POLL: variants seen among roughly 807,000 people sequenced by gnomAD.
POLL encodes DNA polymerase beta-2.
In POLL, 44 loss-of-function variants were observed where a neutral mutation model predicts 58.1. The ratio of observed to expected loss-of-function variants is 0.76; its 90% CI spans 0.60 to 0.97. The LOEUF is 0.97. POLL is among the 50% of genes least tolerant of loss of function. The probability of loss-of-function intolerance (pLI) is 0.00; values close to 1 mark genes in which losing one functional copy is unlikely to be tolerated. For missense variants in POLL, 632 were observed against 736.8 expected (o/e 0.86, Z 1.65); for synonymous variants, 290 against 283.2 (o/e 1.02, Z -0.24).
Position 101,579,222 on chromosome 10 carries a change from G to A in POLL, c.*231C>T. On this transcript the variant is annotated 3_prime_UTR_variant, in exon 9 of 9. Coordinates refer to ENST00000370162, the MANE Select transcript of POLL (RefSeq NM_001174084.2). The surrounding 1 kb of genome is among the most constrained non-coding windows in gnomAD (Gnocchi z 4.4). ...TTCGAGGGGCAGTGGTGAGGTAGAA[G>A]GGGTGGCAGCCTGCTCCTGTCTGGG... is the stretch of plus-strand genomic sequence containing the variant. The A allele has an allele frequency of 1.8e-6, 1 of 562,084 alleles. No homozygotes were observed. The highest frequency in any genetic ancestry group is 3.1e-6 in the Non-Finnish European group (1 of 319,142). The allele number at this position is 562,084 out of a possible 1,614,324, so 34.8% of individuals were successfully genotyped here.
At chr10:101,581,262 C>T (rs1047259237) in intron 7 of POLL, 1 of 152,262 alleles carries the variant, frequency 6.6e-6, no homozygotes, top group African/African-American at 2.4e-5. Context: ...GGAGGAGGTC[C>T]ACGTGAGTAA....
intron 2 of POLL, 194 bp downstream of exon 2, chr10:101,587,052 G>C: frequency 8.6e-7 from 1 of 1,162,636 alleles, no homozygotes; most frequent in Non-Finnish European, 1.3e-6. Flanking sequence ...GGGTAGAAAA[G>C]AAGGTAACAC....
In POLL at chr10:101,587,960, G is replaced by A. The variant is rs977339504; in HGVS notation, c.-185C>T. 3.5e-5 allele frequency: 45 copies of A among 1,270,262 alleles called. No homozygotes were observed. Among genetic ancestry groups the A allele is most frequent in the Non-Finnish European group, 4.5e-5 (44 of 980,488 alleles). 78.7% of individuals were successfully genotyped at this position (1,270,262 alleles called of 1,614,324 possible). On this transcript the variant is annotated 5_prime_UTR_variant, in exon 1 of 9. Coordinates refer to ENST00000370162, the MANE Select transcript of POLL (RefSeq NM_001174084.2). ...GGGGAGATGGGGCACGGCCGCAGCA[G>A]GTGTGGGGAGCCCTCCGGGAATGGA...
In POLL at chr10:101,584,595, T is replaced by C; in HGVS notation, c.891+7A>G. 6.5e-7 allele frequency: 1 copy of C among 1,538,856 alleles called. No individual in the cohort carries two copies. Among genetic ancestry groups the C allele is most frequent in the Non-Finnish European group, 8.8e-7 (1 of 1,141,316 alleles). On this transcript the variant is annotated splice_region_variant and intron_variant, in intron 5 of 8. Coordinates refer to ENST00000370162, the MANE Select transcript of POLL (RefSeq NM_001174084.2). ...AGACCCCTCCTCCCACTCTAGCCCC[T>C]GGGTACCTGGTACGAGGTGACAGGC...
Position 101,587,234 on chromosome 10 carries a change from G to C in POLL, c.115+12C>G. The C allele has an allele frequency of 1.9e-6, 3 of 1,613,558 alleles. No homozygotes were observed. Among genetic ancestry groups the C allele is most frequent in the Non-Finnish European group, 1.7e-6 (2 of 1,179,522 alleles). On this transcript the variant is annotated intron_variant, in intron 2 of 8. Coordinates refer to ENST00000370162, the MANE Select transcript of POLL (RefSeq NM_001174084.2). Reference sequence around the variant, plus strand: ...TCAAGCACACGAGGGTTCTGAGACTGGGTCAGCTCACCTTCTGCTTCTTCT... The same window carrying C: ...TCAAGCACACGAGGGTTCTGAGACTCGGTCAGCTCACCTTCTGCTTCTTCT...
chr10:101,585,290 G>A (rs1453941885), intron 4 of POLL, 26 bp downstream of exon 4: 2 of 1,505,898 alleles, frequency 1.3e-6, no homozygotes, highest in Admixed American at 2.2e-5. Flanking sequence ...GGGGAAGGGA[G>A]TTCTGAGGGA....
chr10:101,580,521 C>A lies in POLL; in HGVS notation c.1195-105G>T. 1 of 994,212 alleles carries A rather than the reference C, an allele frequency of 1.0e-6. No homozygotes were observed. Among genetic ancestry groups the A allele is most frequent in the Non-Finnish European group, 1.5e-6 (1 of 667,840 alleles). The allele number at this position is 994,212 out of a possible 1,614,324, so 61.6% of individuals were successfully genotyped here. ...CTCGGGCCCACACCCTCAGCTTATGCCCATTCCAGATGCCTGCTGCAAGCC... is the reference window on the plus strand; with the variant it reads ...CTCGGGCCCACACCCTCAGCTTATGACCATTCCAGATGCCTGCTGCAAGCC... On this transcript the variant is annotated intron_variant, in intron 7 of 8. Coordinates refer to ENST00000370162, the MANE Select transcript of POLL (RefSeq NM_001174084.2). This position sits in a 1 kb window ranked among gnomAD's most constrained non-coding sequence, Gnocchi z 4.1.
Position 101,579,793 on chromosome 10 carries a change from C to T in POLL, c.1388G>A (p.Ser463Asn), listed in dbSNP as rs3209099. The T allele has an allele frequency of 1.9e-6, 3 of 1,613,206 alleles. No individual in the cohort carries two copies. Among genetic ancestry groups the T allele is most frequent in the Non-Finnish European group, 2.5e-6 (3 of 1,179,736 alleles). ...QEGFLTDDLV[S>N]QEENGQQQKY... ...CTGTTGCTGACCATTCTCCTCTTGG[C>T]TCACCAAGTCATCTGTGAGGAACCC... Residue 463 changes from serine (S) to asparagine (N), a missense_variant, in exon 9 of 9, where the codon AGC becomes AAC. Coordinates refer to ENST00000370162, the MANE Select transcript of POLL (RefSeq NM_001174084.2). This position sits in a 1 kb window ranked among gnomAD's most constrained non-coding sequence, Gnocchi z 4.4.
chr10:101,580,746 C>A lies in POLL; in HGVS notation c.1195-330G>T, dbSNP rs987115642. ...AGACTCTCTCTGCCCCTGCCCCAGC[C>A]CACGTGCCCAGGTCTGTGAAACTCC... On this transcript the variant is annotated intron_variant, in intron 7 of 8. Transcript: ENST00000370162. This position sits in a 1 kb window ranked among gnomAD's most constrained non-coding sequence, Gnocchi z 4.1. 3.0e-5 allele frequency: 7 copies of A among 232,320 alleles called. No individual in the cohort carries two copies. Among genetic ancestry groups the A allele is most frequent in the Non-Finnish European group, 5.0e-5 (6 of 119,796 alleles). 14.4% of individuals were successfully genotyped at this position (232,320 alleles called of 1,614,324 possible). A position where few individuals can be genotyped will look rare whatever the true frequency, so the allele number is the denominator to read the frequency against.
Position 101,587,999 on chromosome 10 carries a change from T to C in POLL, c.-224A>G. On this transcript the variant is annotated 5_prime_UTR_variant, in exon 1 of 9. Coordinates refer to ENST00000370162, the MANE Select transcript of POLL (RefSeq NM_001174084.2). ...TCCGGGAATGGAGGAGTCTCGCAGCTGCGGGTGAAGTCCCGGGCAGGTGCG... is the reference window on the plus strand; with the variant it reads ...TCCGGGAATGGAGGAGTCTCGCAGCCGCGGGTGAAGTCCCGGGCAGGTGCG... 1 of 1,328,350 alleles carries C rather than the reference T, an allele frequency of 7.5e-7. No homozygotes were observed. The highest frequency in any genetic ancestry group is 9.9e-7 in the Non-Finnish European group (1 of 1,015,220). The allele number at this position is 1,328,350 out of a possible 1,614,324, so 82.3% of individuals were successfully genotyped here. A position where few individuals can be genotyped will look rare whatever the true frequency, so the allele number is the denominator to read the frequency against.
chr10:101,583,389 C>T, intron 6 of POLL, 119 bp downstream of exon 6: 1 of 1,101,068 alleles, frequency 9.1e-7, no homozygotes, highest in Non-Finnish European at 1.3e-6. Context: ...TCTCCCTATA[C>T]TGTGGGTGCA....
intron 5 of POLL, among the ~76,000 whole-genome samples, 184 bp from the exon 6 acceptor site, chr10:101,583,865 C>CT (rs1329681224): frequency 6.6e-6 from 1 of 152,080 alleles, no homozygotes. Context: ...AGAATGAGGG[C>CT]TGGGTAATTT....
Position 101,584,778 on chromosome 10 carries a change from A to T in POLL, c.715T>A (p.Trp239Arg). 1.6e-5 allele frequency: 26 copies of T among 1,612,236 alleles called. No homozygotes were observed. Among genetic ancestry groups the T allele is most frequent in the Non-Finnish European group, 2.2e-5 (26 of 1,179,104 alleles). ...PSPAPAVLDKWVCAQPSSQKA... is the reference protein window; with the variant it reads ...PSPAPAVLDKRVCAQPSSQKA... ...TGGCTTGAGGGCTGTGCACAGACCC[A>T]CTTATCCAGGACAGCAGGGGCTGGG... The change falls in exon 5 of 9, where the codon TGG (tryptophan) becomes AGG (arginine). Residue 239 changes from tryptophan (W) to arginine (R), a missense_variant. Trp to Arg is a moderately radical substitution (Grantham distance 101). Transcript: ENST00000370162.
intron 2 of POLL, 28 bp from the exon 3 acceptor site, chr10:101,586,184 T>C (rs1327948169): frequency 1.2e-6 from 1 of 852,498 alleles, no homozygotes; most frequent in Admixed American, 2.6e-5. Context: ...AGATGACTAC[T>C]GTTGTAACTT....
At chr10:101,584,981 A>G in intron 4 of POLL, 62 bp from the exon 5 acceptor site, 1 of 911,586 alleles carries the variant, frequency 1.1e-6, no homozygotes, top group South Asian at 3.1e-5. Context: ...GGATCCTTAA[A>G]GGTGGGGGTC....
rs758800826 is a variant in POLL, at chr10:101,588,240, A to C, written c.-465T>G. On this transcript the variant is annotated 5_prime_UTR_variant, in exon 1 of 9. Coordinates refer to ENST00000370162, the MANE Select transcript of POLL (RefSeq NM_001174084.2). ...ATGAGAGCGGACGAAGGGGGGAAGG[A>C]GGGCAAATGGCCAGAATAGCTTCCG... 1.7e-5 allele frequency: 26 copies of C among 1,552,778 alleles called. No individual in the cohort carries two copies. The highest frequency in any genetic ancestry group is 1.7e-4 in the Middle Eastern group (1 of 6,012).
chr10:101,586,123 C>T lies in POLL; in HGVS notation c.149G>A (p.Arg50His), dbSNP rs548269958. 16 of 1,613,606 alleles carry T rather than the reference C, an allele frequency of 9.9e-6. No homozygotes were observed. Among genetic ancestry groups the T allele is most frequent in the South Asian group, 6.6e-5 (6 of 91,072 alleles). The stretch of plus-strand genomic sequence containing the variant: ...TGCCCGGGCTCGTCCAATGCCAGTG[C>T]GCACAACATGGGCCCGAAGGGAGCT... ...WLSSLRAHVV[R>H]TGIGRARAEL... The change falls in exon 3 of 9, where the codon CGC (arginine) becomes CAC (histidine). Residue 50 changes from arginine to histidine, a missense_variant. Physicochemically the swap from Arg to His is conservative, Grantham distance 29. Coordinates refer to ENST00000370162, the MANE Select transcript of POLL (RefSeq NM_001174084.2).
chr10:101,579,301 C>A lies in POLL; in HGVS notation c.*152G>T. Reference sequence around the variant, plus strand: ...GCAGACACTGGGAGCCGGGCTGGCTCTTGCTTCAGGCCCAGAGCCCTGGGC... The same window carrying A: ...GCAGACACTGGGAGCCGGGCTGGCTATTGCTTCAGGCCCAGAGCCCTGGGC... On this transcript the variant is annotated 3_prime_UTR_variant, in exon 9 of 9. Transcript: ENST00000370162. This position sits in a 1 kb window ranked among gnomAD's most constrained non-coding sequence, Gnocchi z 4.4. The A allele has an allele frequency of 1.1e-6, 1 of 892,868 alleles. No individual in the cohort carries two copies. Among genetic ancestry groups the A allele is most frequent in the South Asian group, 1.7e-5 (1 of 57,848 alleles). The allele number at this position is 892,868 out of a possible 1,614,324, so 55.3% of individuals were successfully genotyped here.
At chr10:101,584,363 A>G (rs759291107) in intron 5 of POLL, among the ~76,000 whole-genome samples, 2 of 152,138 alleles carry the variant, frequency 1.3e-5, no homozygotes, top group African/African-American at 4.8e-5. Flanking sequence ...AAAATAAAAA[A>G]CTTTTAATTA....
Sources: allele counts gnomAD v4.1 joint callset (sites outside exome capture counted in the v4.1 genomes callset), GRCh38; gene constraint gnomAD v4.1.1; non-coding constraint Gnocchi (gnomAD v3.1); transcripts MANE v1.5; gene names NCBI Gene and HGNC (gene_info 2026-07-23, HGNC 2026-07-21).